RBMS1: variants seen among roughly 807,000 people sequenced by gnomAD.
RBMS1 encodes the protein RNA binding motif single stranded interacting protein 1, also known as RNA-binding motif, single-stranded-interacting protein 1.
A neutral mutation model predicts 62.3 loss-of-function variants in RBMS1; 17 were observed. That is an observed-to-expected ratio of 0.27 (90% CI 0.19 to 0.41). RBMS1 has a LOEUF of 0.41. RBMS1 is among the 10% of genes least tolerant of loss of function. RBMS1 has a pLI of 1.00. For synonymous variants in RBMS1, 172 were observed against 170.0 expected (o/e 1.01, Z -0.09); for missense variants, 334 against 504.5 (o/e 0.66, Z 3.24).
At chr2:160,371,123 A>G (rs1693702538) in intron 1 of RBMS1, among the ~76,000 whole-genome samples, 1 of 152,242 alleles carries the variant, frequency 6.6e-6, no homozygotes, top group African/African-American at 2.4e-5. Context: ...TTAAAATGCA[A>G]ATACTGACAA....
At chr2:160,389,361 A>G (rs1694739217) in intron 1 of RBMS1, among the ~76,000 whole-genome samples, 1 of 152,214 alleles carries the variant, frequency 6.6e-6, no homozygotes, top group African/African-American at 2.4e-5. Flanking sequence ...ATATTAAACA[A>G]TCTAGCTGGT....
chr2:160,328,655 C>T (rs1000622745), intron 2 of RBMS1, among the ~76,000 whole-genome samples: 6 of 152,086 alleles, frequency 3.9e-5, no homozygotes, highest in African/African-American at 1.2e-4. Flanking sequence ...AATTAGCACC[C>T]TCCCCCCGCC....
At chr2:160,281,506 CAGTT>C in intron 9 of RBMS1, 142 bp from the exon 10 acceptor site, 1 of 630,366 alleles carries the variant, frequency 1.6e-6, no homozygotes. Flanking sequence ...AAGATTAAGG[CAGTT>C]AGAATTCTTG....
At chr2:160,491,402 T>C (rs1018848426) in intron 1 of RBMS1, among the ~76,000 whole-genome samples, 5 of 152,250 alleles carry the variant, frequency 3.3e-5, no homozygotes, top group African/African-American at 9.6e-5. Context: ...AAATGCTTTA[T>C]GCAGGAAGCA....
intron 6 of RBMS1, among the ~76,000 whole-genome samples, chr2:160,289,254 T>C (rs1217598732): frequency 6.6e-6 from 1 of 152,200 alleles, no homozygotes; most frequent in African/African-American, 2.4e-5. Context: ...TTTCAAAAAA[T>C]GAATTATATT....
At chr2:160,387,998 G>C (rs967803877) in intron 1 of RBMS1, among the ~76,000 whole-genome samples, 1 of 152,154 alleles carries the variant, frequency 6.6e-6, no homozygotes, top group Non-Finnish European at 1.5e-5. Flanking sequence ...TGGCTCTCAT[G>C]CATCAGTCCA....
intron 6 of RBMS1, among the ~76,000 whole-genome samples, chr2:160,295,846 T>C: frequency 6.6e-6 from 1 of 152,258 alleles, no homozygotes; most frequent in East Asian, 1.9e-4. Flanking sequence ...AGGGAAGATC[T>C]TATCTTAGAC....
chr2:160,390,472 C>T (rs1694799537), intron 1 of RBMS1, among the ~76,000 whole-genome samples: 1 of 152,182 alleles, frequency 6.6e-6, no homozygotes, highest in Non-Finnish European at 1.5e-5. Context: ...AGGAGGATCA[C>T]TTGAGGCCAG....
intron 3 of RBMS1, among the ~76,000 whole-genome samples, chr2:160,316,474 T>C (rs1690226248): frequency 6.6e-6 from 1 of 152,224 alleles, no homozygotes; most frequent in South Asian, 2.1e-4. Flanking sequence ...TAGAAGTCCA[T>C]AAATCTCTCT....
chr2:160,388,339 C>G (rs1200733829), intron 1 of RBMS1, among the ~76,000 whole-genome samples: 1 of 152,146 alleles, frequency 6.6e-6, no homozygotes, highest in Non-Finnish European at 1.5e-5. Context: ...AAATGCCCCC[C>G]ACATTGTTTT....
intron 1 of RBMS1, among the ~76,000 whole-genome samples, chr2:160,486,259 C>T (rs577696663): frequency 2.0e-5 from 3 of 152,140 alleles, no homozygotes; most frequent in South Asian, 2.1e-4. Context: ...ATTCTGTTTT[C>T]GCAATTTGAT....
chr2:160,414,356 C>G lies in RBMS1; in HGVS notation c.76-46965G>C, dbSNP rs146605131. On this transcript the variant is annotated intron_variant, in intron 1 of 13. Transcript: ENST00000348849. ...TGGTGGGACAGAGTTAGGAGAGAAG[C>G]AGAAAAATTTATCTTCTGGGATATT... Among the ~76,000 whole-genome samples, 494 of 151,808 alleles carry G rather than the reference C, an allele frequency of 3.3e-3. 3 individuals carry two copies. Among genetic ancestry groups the G allele is most frequent in the African/African-American group, 0.011 (475 of 41,358 alleles).
chr2:160,360,605 A>G (rs1258153134), intron 2 of RBMS1, among the ~76,000 whole-genome samples: 2 of 152,166 alleles, frequency 1.3e-5, no homozygotes, highest in Non-Finnish European at 2.9e-5. Flanking sequence ...CTCTGCACCA[A>G]GAAGCCCTTT....
intron 1 of RBMS1, among the ~76,000 whole-genome samples, chr2:160,415,709 T>C (rs1696184719): frequency 6.6e-6 from 1 of 152,184 alleles, no homozygotes; most frequent in Non-Finnish European, 1.5e-5. Context: ...GCATAACCAA[T>C]GTCTATCCAA....
chr2:160,471,289 C>T (rs986707316), intron 1 of RBMS1, among the ~76,000 whole-genome samples: 9 of 152,032 alleles, frequency 5.9e-5, no homozygotes, highest in African/African-American at 2.2e-4. Flanking sequence ...AAATTGGTCA[C>T]TCTAGGAGGT....
chr2:160,391,717 C>T (rs1311084864), intron 1 of RBMS1, among the ~76,000 whole-genome samples: 2 of 152,204 alleles, frequency 1.3e-5, no homozygotes, highest in African/African-American at 4.8e-5. Context: ...GTGGCTCATG[C>T]CTGTAATCCC....
intron 2 of RBMS1, chr2:160,366,812 G>A (rs1298710172): frequency 1.0e-4 from 17 of 164,044 alleles, no homozygotes; most frequent in Non-Finnish European, 5.3e-5. Flanking sequence ...TCAGTATGAC[G>A]TTAGATGGTT....
At chr2:160,393,790 GAAAAGAAAACAAGA>G (rs1374499988) in intron 1 of RBMS1, among the ~76,000 whole-genome samples, 1 of 148,200 alleles carries the variant, frequency 6.7e-6, no homozygotes, top group Non-Finnish European at 1.5e-5. Flanking sequence ...AAAAAAAAAA[GAAAAGAAAACAAGA>G]AAAAGAAAAA....
intron 1 of RBMS1, among the ~76,000 whole-genome samples, chr2:160,447,545 TC>T (rs1224954458): frequency 6.6e-6 from 1 of 152,264 alleles, no homozygotes; most frequent in Non-Finnish European, 1.5e-5. Flanking sequence ...AAAGCACTGC[TC>T]CACTGGGTGG....
Sources: allele counts gnomAD v4.1 joint callset (sites outside exome capture counted in the v4.1 genomes callset), GRCh38; gene constraint gnomAD v4.1.1; transcripts MANE v1.5; gene names NCBI Gene and HGNC (gene_info 2026-07-23, HGNC 2026-07-21).